The following USP32 variants were observed in gnomAD, a reference collection of about 807,000 sequenced individuals.
USP32 encodes ubiquitin carboxyl-terminal hydrolase 32.
USP32 carries 59 observed loss-of-function variants against 204.8 expected under a neutral mutation model. The ratio of observed to expected loss-of-function variants is 0.29; its 90% CI spans 0.23 to 0.36. The LOEUF (loss-of-function observed/expected upper bound fraction) is 0.36, where lower values mean the gene tolerates loss of function less well. Ranked by LOEUF, USP32 falls within the 10% of genes least tolerant of loss-of-function variation. The probability of loss-of-function intolerance (pLI) is 1.00; values close to 1 mark genes in which losing one functional copy is unlikely to be tolerated. For synonymous variants in USP32, 517 were observed against 678.4 expected, an observed-to-expected ratio of 0.76 and a Z score of 3.70; for missense variants, 1,160 against 1,946.4, an observed-to-expected ratio of 0.60 and a Z score of 7.60.
chr17:60,339,054 A>T (rs8076965), intron 2 of USP32, among the ~76,000 whole-genome samples: 1 of 151,260 alleles, frequency 6.6e-6, no homozygotes, highest in Non-Finnish European at 1.5e-5. Flanking sequence ...GGATTACAGG[A>T]GCCCGCCACC....
At position 60,316,044 on chromosome 17, in the gene USP32, T is replaced by C. The variant is rs562830220; in HGVS notation, c.187-14340A>G. On this transcript the variant is annotated intron_variant, in intron 2 of 33. Coordinates refer to ENST00000300896, the MANE Select transcript of USP32 (RefSeq NM_032582.4). ...CAAACCTCCCTTCCAGCATCTGATA[T>C]GGGACTTCAAAACAGATCTGTGCTT... 3 of 181,010 alleles carry C rather than the reference T, an allele frequency of 1.7e-5. No individual in the cohort carries two copies. The South Asian group carries it at 3.4e-4, about 20-fold the overall frequency. 11.2% of individuals were successfully genotyped at this position (181,010 alleles called of 1,614,324 possible).
At chr17:60,229,007 C>T (rs182645890) in intron 12 of USP32, among the ~76,000 whole-genome samples, 267 of 151,976 alleles carry the variant, frequency 1.8e-3, no homozygotes, top group African/African-American at 6.1e-3. Flanking sequence ...AACATAAATG[C>T]CTTATTATTT....
intron 7 of USP32, 98 bp downstream of exon 7, chr17:60,269,352 A>G: frequency 1.1e-6 from 1 of 897,378 alleles, no homozygotes; most frequent in Non-Finnish European, 1.7e-6. Context: ...CAAAGTTATA[A>G]AAATTCAAGC....
At chr17:60,392,151 C>G (rs1236924185), upstream of USP32, 3 of 560,236 alleles carry the variant, frequency 5.4e-6, no homozygotes, top group Non-Finnish European at 9.4e-6. Context: ...TCCGCCCCGC[C>G]CCCTTCCCCT....
At chr17:60,236,342 T>C (rs2085725169) in intron 11 of USP32, 102 bp from the exon 12 acceptor site, 1 of 932,456 alleles carries the variant, frequency 1.1e-6, no homozygotes, top group Non-Finnish European at 1.7e-6. Flanking sequence ...CCGCGAAACA[T>C]TTAGATGTAA....
At chr17:60,255,087 T>C (rs1017343612) in intron 10 of USP32, 88 bp downstream of exon 10, 2 of 860,180 alleles carry the variant, frequency 2.3e-6, no homozygotes, top group East Asian at 2.7e-5. Context: ...GCAGCCTAGA[T>C]ACAACAACTC....
intron 2 of USP32, among the ~76,000 whole-genome samples, chr17:60,312,713 G>A (rs1271879865): frequency 6.6e-6 from 1 of 151,980 alleles, no homozygotes; most frequent in Non-Finnish European, 1.5e-5. Flanking sequence ...AAGTTAAAAA[G>A]GCAAAAAATA....
intron 1 of USP32, among the ~76,000 whole-genome samples, chr17:60,401,351 C>A (rs2089933973): frequency 6.6e-6 from 1 of 152,072 alleles, no homozygotes; most frequent in Non-Finnish European, 1.5e-5. Flanking sequence ...GCCTGGGCGA[C>A]AGAGTGAGAC....
chr17:60,245,387 T>C (rs1386067608), intron 11 of USP32: 15 of 408,190 alleles, frequency 3.7e-5, no homozygotes, highest in Non-Finnish European at 7.1e-5. Context: ...GAGGAAACAC[T>C]GTGGGCAATC....
At chr17:60,290,187 C>T (rs2087236208) in intron 4 of USP32, among the ~76,000 whole-genome samples, 1 of 152,204 alleles carries the variant, frequency 6.6e-6, no homozygotes, top group Non-Finnish European at 1.5e-5. Flanking sequence ...TGCCCACCAC[C>T]ATCGCCCACC....
At chr17:60,324,194 A>AT (rs2088176837) in intron 2 of USP32, among the ~76,000 whole-genome samples, 1 of 151,950 alleles carries the variant, frequency 6.6e-6, no homozygotes, top group Non-Finnish European at 1.5e-5. Context: ...AAGCGGGAAG[A>AT]TTGGTTGAAC....
At chr17:60,342,701 G>A (rs2088688889) in intron 2 of USP32, among the ~76,000 whole-genome samples, 1 of 152,246 alleles carries the variant, frequency 6.6e-6, no homozygotes, top group African/African-American at 2.4e-5. Context: ...CTAACAGTGA[G>A]CAAGGCTCCG....
chr17:60,208,904 G>C, intron 22 of USP32, 76 bp from the exon 23 acceptor site: 2 of 1,425,394 alleles, frequency 1.4e-6, no homozygotes, highest in Non-Finnish European at 1.9e-6. Context: ...AAAGAAGCTA[G>C]TTAAATATAT....
intron 9 of USP32, 38 bp from the exon 10 acceptor site, chr17:60,255,296 T>TTA: frequency 3.3e-6 from 5 of 1,508,706 alleles, no homozygotes; most frequent in Non-Finnish European, 4.5e-6. Flanking sequence ...CATCTTTTTT[T>TTA]TCTTTTTTTT....
chr17:60,279,852 TTAA>T (rs201455332), intron 5 of USP32, among the ~76,000 whole-genome samples: 79 of 145,634 alleles, frequency 5.4e-4, no homozygotes, highest in African/African-American at 1.1e-3. Context: ...ATAATAATAA[TTAA>T]TAATAATAAT....
chr17:60,361,490 C>T (rs1177869014), intron 1 of USP32, among the ~76,000 whole-genome samples: 1 of 152,160 alleles, frequency 6.6e-6, no homozygotes. Flanking sequence ...AAACCATATA[C>T]ATGCCTCCTT....
chr17:60,393,975 C>T (rs1284628851), upstream of USP32, among the ~76,000 whole-genome samples: 2 of 152,202 alleles, frequency 1.3e-5, no homozygotes, highest in Non-Finnish European at 2.9e-5. Flanking sequence ...TGAGCCACCG[C>T]GCCCCACCAA....
intron 9 of USP32, chr17:60,256,733 T>A: frequency 8.7e-6 from 10 of 1,151,758 alleles, no homozygotes; most frequent in Non-Finnish European, 1.1e-5. Context: ...CAGAAGAACT[T>A]CAAAGGCTAT....
intron 7 of USP32, among the ~76,000 whole-genome samples, chr17:60,268,478 T>TGGGA (rs1489091428): frequency 1.4e-5 from 2 of 146,740 alleles, no homozygotes; most frequent in Non-Finnish European, 1.5e-5. Context: ...GAGGCTAGGA[T>TGGGA]GGGAGGATCC....
Sources: allele counts gnomAD v4.1 joint callset (sites outside exome capture counted in the v4.1 genomes callset), GRCh38; gene constraint gnomAD v4.1.1; transcripts MANE v1.5; gene names NCBI Gene and HGNC (gene_info 2026-07-23, HGNC 2026-07-21).